USH2A: variants seen among roughly 807,000 people sequenced by gnomAD.
USH2A encodes Usher syndrome 2A (autosomal recessive, mild).
In USH2A, 443 loss-of-function variants were observed where a neutral mutation model predicts 538.9. The observed-to-expected ratio is 0.82, with a 90% CI of 0.76 to 0.89. The LOEUF is 0.89. Ranked by LOEUF, USH2A falls within the 40% of genes least tolerant of loss-of-function variation. The probability of loss-of-function intolerance (pLI) is 0.00; values close to 1 mark genes in which losing one functional copy is unlikely to be tolerated. For missense variants in USH2A, 6,633 were observed against 6,324.8 expected, an observed-to-expected ratio of 1.05 and a Z score of -1.65; for synonymous variants, 2,413 against 2,273.5, an observed-to-expected ratio of 1.06 and a Z score of -1.75.
chr1:216,346,993 G>T (rs930188279), intron 4 of USH2A, among the ~76,000 whole-genome samples: 5 of 151,960 alleles, frequency 3.3e-5, no homozygotes, highest in African/African-American at 9.7e-5. Flanking sequence ...GTGACTTTAG[G>T]AATGTTTGGG....
intron 13 of USH2A, among the ~76,000 whole-genome samples, chr1:216,245,760 G>T (rs1231004833): frequency 1.3e-5 from 2 of 152,030 alleles, no homozygotes; most frequent in South Asian, 2.1e-4. Flanking sequence ...ATTATCCTAG[G>T]CTGGATTCTT....
intron 3 of USH2A, among the ~76,000 whole-genome samples, chr1:216,404,939 A>C (rs373079695): frequency 3.9e-4 from 47 of 120,928 alleles, no homozygotes; most frequent in African/African-American, 9.2e-4. Context: ...TTTGTAAAGA[A>C]AAGGTGCCCA....
At chr1:215,720,912 G>T (rs531718121) in intron 61 of USH2A, among the ~76,000 whole-genome samples, 60 of 152,184 alleles carry the variant, frequency 3.9e-4, no homozygotes, top group Admixed American at 1.2e-3. Flanking sequence ...ATTGAGTAAA[G>T]CTCTGTTCCT....
At chr1:215,994,013 A>G (rs1470183578) in intron 34 of USH2A, among the ~76,000 whole-genome samples, 1 of 152,170 alleles carries the variant, frequency 6.6e-6, no homozygotes, top group African/African-American at 2.4e-5. Context: ...TTCAGCCCAT[A>G]TTTGCTAGCA....
intron 26 of USH2A, 125 bp downstream of exon 26, chr1:216,083,331 A>G: frequency 8.7e-7 from 1 of 1,148,686 alleles, no homozygotes; most frequent in Non-Finnish European, 1.2e-6. Flanking sequence ...ATGACTGGGA[A>G]AAAAAATGAA....
intron 9 of USH2A, among the ~76,000 whole-genome samples, chr1:216,308,190 T>G (rs1416266796): frequency 6.6e-6 from 1 of 152,190 alleles, no homozygotes; most frequent in African/African-American, 2.4e-5. Flanking sequence ...AAGCTTTCTG[T>G]AGTATGATTG....
Position 216,217,500 on chromosome 1 carries a change from T to G in USH2A, c.3044A>C (p.His1015Pro). ...HLSGALNETCHLVTGQCFCKQ... is the reference protein window; with the variant it reads ...HLSGALNETCPLVTGQCFCKQ... ...ACAGAAACACTGGCCTGTGACCAAG[T>G]GACAGGTTTCATTCAAGGCTCCTGA... The change falls in exon 15 of 72, where the codon CAC becomes CCC. Residue 1015 changes from histidine (H) to proline (P), a missense_variant. Transcript: ENST00000307340. 1 of 1,613,220 alleles carries G rather than the reference T, an allele frequency of 6.2e-7. No homozygotes were observed. Among genetic ancestry groups the G allele is most frequent in the African/African-American group, 1.3e-5 (1 of 74,978 alleles).
chr1:216,252,580 A>T (rs147842127), intron 11 of USH2A, among the ~76,000 whole-genome samples: 89 of 152,364 alleles, frequency 5.8e-4, no homozygotes, highest in African/African-American at 2.1e-3. Context: ...TGGAAGCTTT[A>T]TTTAAGGATA....
At chr1:216,104,136 A>G (rs2032664163) in intron 21 of USH2A, among the ~76,000 whole-genome samples, 1 of 151,688 alleles carries the variant, frequency 6.6e-6, no homozygotes, top group Non-Finnish European at 1.5e-5. Context: ...TTACATATGC[A>G]TATATGTGTC....
At position 216,164,079 on chromosome 1, in the gene USH2A, C is replaced by T. The variant is rs1324000449; in HGVS notation, c.4627+11173G>A. On this transcript the variant is annotated intron_variant, in intron 21 of 71. Coordinates refer to ENST00000307340, the MANE Select transcript of USH2A (RefSeq NM_206933.4). ...TTTGATGCATGATTTCACTGCAAGA[C>T]TTTAAGCTCCCTAAGGTTAGGAATC... Among the ~76,000 whole-genome samples the T allele has an allele frequency of 2.0e-5, 3 of 152,056 alleles. 1 individual carries two copies. The highest frequency in any genetic ancestry group is 1.3e-4 in the Admixed American group (2 of 15,256).
At chr1:216,065,888 C>T (rs1447189476) in intron 30 of USH2A, among the ~76,000 whole-genome samples, 1 of 151,610 alleles carries the variant, frequency 6.6e-6, no homozygotes, top group Non-Finnish European at 1.5e-5. Context: ...CAGAGTGAGA[C>T]CCTGTCTCAA....
chr1:216,022,142 T>G (rs902711689), intron 32 of USH2A, among the ~76,000 whole-genome samples: 1 of 152,128 alleles, frequency 6.6e-6, no homozygotes, highest in African/African-American at 2.4e-5. Context: ...CTGCCATGCT[T>G]CCTGTACAGC....
chr1:215,898,062 A>G (rs746472629), intron 40 of USH2A, among the ~76,000 whole-genome samples: 1 of 152,206 alleles, frequency 6.6e-6, no homozygotes, highest in Non-Finnish European at 1.5e-5. Flanking sequence ...ACCATGTCTC[A>G]GGTGCACTGC....
At chr1:216,032,284 TG>T (rs1441293289) in intron 32 of USH2A, among the ~76,000 whole-genome samples, 1 of 152,192 alleles carries the variant, frequency 6.6e-6, no homozygotes, top group Non-Finnish European at 1.5e-5. Context: ...TAGCATGGGT[TG>T]TTGATTATTT....
intron 15 of USH2A, among the ~76,000 whole-genome samples, chr1:216,216,312 G>C (rs2035341133): frequency 6.6e-6 from 1 of 152,066 alleles, no homozygotes; most frequent in South Asian, 2.1e-4. Context: ...GGATGCTGAA[G>C]AGAAACTACA....
At chr1:215,686,610 T>C (rs1658430575) in intron 61 of USH2A, among the ~76,000 whole-genome samples, 1 of 152,012 alleles carries the variant, frequency 6.6e-6, no homozygotes, top group African/African-American at 2.4e-5. Context: ...GGCAAAAAAT[T>C]TAAGACCTAA....
intron 11 of USH2A, among the ~76,000 whole-genome samples, chr1:216,285,003 A>G (rs1035099628): frequency 6.6e-6 from 1 of 152,242 alleles, no homozygotes; most frequent in Non-Finnish European, 1.5e-5. Context: ...TAAGTGTTAA[A>G]GAGGAAGCAG....
chr1:215,960,858 A>G (rs975521084), intron 37 of USH2A, among the ~76,000 whole-genome samples: 5 of 152,036 alleles, frequency 3.3e-5, no homozygotes, highest in African/African-American at 1.2e-4. Context: ...ATCTTCCCTT[A>G]ATTATTTCTG....
chr1:215,959,561 A>G (rs887414881), intron 37 of USH2A, among the ~76,000 whole-genome samples: 4 of 152,148 alleles, frequency 2.6e-5, no homozygotes, highest in Non-Finnish European at 4.4e-5. Flanking sequence ...CAGTTTCAAC[A>G]TTAAAAACTG....
Sources: allele counts gnomAD v4.1 joint callset (sites outside exome capture counted in the v4.1 genomes callset), GRCh38; gene constraint gnomAD v4.1.1; transcripts MANE v1.5; gene names NCBI Gene and HGNC (gene_info 2026-07-23, HGNC 2026-07-21).